Variants in TAFA1 observed in about 807,000 individuals in gnomAD.
TAFA1 encodes chemokine-like protein TAFA-1.
A neutral mutation model predicts 18.5 loss-of-function variants in TAFA1; 4 were observed. The observed-to-expected ratio is 0.22, with a 90% CI of 0.11 to 0.49. The LOEUF is 0.49. Among genes scored for constraint, TAFA1 ranks in the 20% least tolerant of loss-of-function variants. The probability of loss-of-function intolerance (pLI) is 0.98; values close to 1 mark genes in which losing one functional copy is unlikely to be tolerated. For missense variants in TAFA1, 147 were observed against 169.0 expected, an observed-to-expected ratio of 0.87 and a Z score of 0.72; for synonymous variants, 56 against 55.2, an observed-to-expected ratio of 1.01 and a Z score of -0.06.
intron 2 of TAFA1, among the ~76,000 whole-genome samples, chr3:68,013,360 A>T (rs569220250): frequency 6.6e-6 from 1 of 152,254 alleles, no homozygotes; most frequent in South Asian, 2.1e-4. Context: ...ACATACATGT[A>T]TTATGTGTGT....
At chr3:68,015,207 T>A (rs1011436659) in intron 2 of TAFA1, among the ~76,000 whole-genome samples, 9 of 152,196 alleles carry the variant, frequency 5.9e-5, no homozygotes, top group African/African-American at 2.2e-4. Flanking sequence ...ACAGCTTTGA[T>A]ATAATGAAGA....
intron 2 of TAFA1, among the ~76,000 whole-genome samples, chr3:68,401,548 TCTC>T (rs1304605998): frequency 6.6e-6 from 1 of 152,172 alleles, no homozygotes; most frequent in African/African-American, 2.4e-5. Flanking sequence ...TTGACTCCAT[TCTC>T]CTACAGGCTT....
At chr3:68,310,818 G>C (rs2068502872) in intron 2 of TAFA1, among the ~76,000 whole-genome samples, 1 of 152,074 alleles carries the variant, frequency 6.6e-6, no homozygotes, top group Admixed American at 6.6e-5. Context: ...AGTTTCAATT[G>C]TGTGGTTTTT....
chr3:68,147,086 T>C (rs1254888796), intron 2 of TAFA1, among the ~76,000 whole-genome samples: 1 of 151,258 alleles, frequency 6.6e-6, no homozygotes, highest in Non-Finnish European at 1.5e-5. Context: ...GTTGGCATCT[T>C]AAAAAGAAAC....
chr3:68,418,358 G>T (rs924449637), intron 3 of TAFA1, among the ~76,000 whole-genome samples: 3 of 151,920 alleles, frequency 2.0e-5, no homozygotes, highest in Admixed American at 6.6e-5. Context: ...GGTGCTCAGT[G>T]GGGGAGCTTT....
At chr3:68,479,103 C>T (rs1004496288) in intron 3 of TAFA1, among the ~76,000 whole-genome samples, 70 of 149,950 alleles carry the variant, frequency 4.7e-4, no homozygotes, top group African/African-American at 1.2e-3. Flanking sequence ...TGGTGACGCG[C>T]GCCTGTAGTC....
intron 2 of TAFA1, among the ~76,000 whole-genome samples, chr3:68,017,122 AT>A (rs1260994270): frequency 6.6e-6 from 1 of 152,194 alleles, no homozygotes; most frequent in Non-Finnish European, 1.5e-5. Flanking sequence ...AAATCAATAA[AT>A]CCCCTATTGT....
chr3:68,425,536 C>A (rs2071035947), intron 3 of TAFA1, among the ~76,000 whole-genome samples: 1 of 151,846 alleles, frequency 6.6e-6, no homozygotes, highest in African/African-American at 2.4e-5. Flanking sequence ...CTTGAAACAG[C>A]ATTTAGTCCC....
At chr3:68,006,428 A>C (rs1218723692) in intron 1 of TAFA1, 196 bp from the exon 2 acceptor site, 3 of 532,054 alleles carry the variant, frequency 5.6e-6, no homozygotes, top group African/African-American at 3.8e-5. Flanking sequence ...TTAAGAAAAA[A>C]ATGAATGTAT....
chr3:68,084,186 C>T (rs182021078), intron 2 of TAFA1, among the ~76,000 whole-genome samples: 1 of 152,152 alleles, frequency 6.6e-6, no homozygotes, highest in African/African-American at 2.4e-5. Flanking sequence ...TGGGAAATTT[C>T]CCTGATGGAG....
chr3:68,003,183 T>C, upstream of TAFA1, among the ~76,000 whole-genome samples: 1 of 152,252 alleles, frequency 6.6e-6, no homozygotes, highest in East Asian at 1.9e-4. Context: ...TTTTGTGCAA[T>C]GTGAAAGACC....
At chr3:68,375,086 A>C (rs1451268836) in intron 2 of TAFA1, among the ~76,000 whole-genome samples, 1 of 151,980 alleles carries the variant, frequency 6.6e-6, no homozygotes, top group African/African-American at 2.4e-5. Context: ...GTATAAGAAG[A>C]TTCTCTTTTG....
chr3:68,182,661 T>C (rs1016717258), intron 2 of TAFA1, among the ~76,000 whole-genome samples: 1 of 152,168 alleles, frequency 6.6e-6, no homozygotes, highest in Admixed American at 6.5e-5. Flanking sequence ...AAAGTACTTG[T>C]CAACATACAC....
At chr3:68,499,446 C>CTTTTTTTTTTTTTTTTTTTTTTT (rs752597708) in intron 3 of TAFA1, among the ~76,000 whole-genome samples, 1 of 112,176 alleles carries the variant, frequency 8.9e-6, no homozygotes, top group East Asian at 2.5e-4. Flanking sequence ...GTGTTCCTTT[C>CTTTTTTTTTTTTTTTTTTTTTTT]TTTTTTTTTT....
At chr3:68,460,345 C>T (rs951106752) in intron 3 of TAFA1, among the ~76,000 whole-genome samples, 7 of 152,056 alleles carry the variant, frequency 4.6e-5, no homozygotes, top group African/African-American at 9.7e-5. Flanking sequence ...ACAAGGATGG[C>T]AGGAGATTTT....
intron 3 of TAFA1, among the ~76,000 whole-genome samples, chr3:68,478,968 C>T (rs2072161156): frequency 6.7e-6 from 1 of 150,194 alleles, no homozygotes. Flanking sequence ...GGCGCAGTGG[C>T]TCATGCCTGT....
At chr3:68,106,078 A>T (rs1217922101) in intron 2 of TAFA1, among the ~76,000 whole-genome samples, 1 of 152,074 alleles carries the variant, frequency 6.6e-6, no homozygotes, top group Non-Finnish European at 1.5e-5. Context: ...CTTCTATCTA[A>T]CTTTCACACA....
intron 2 of TAFA1, among the ~76,000 whole-genome samples, chr3:68,190,741 A>G (rs780379717): frequency 1.3e-5 from 2 of 151,822 alleles, no homozygotes; most frequent in Non-Finnish European, 2.9e-5. Flanking sequence ...TAGGAAATAC[A>G]CCATGTGGGC....
At chr3:68,315,519 C>T (rs2068593124) in intron 2 of TAFA1, among the ~76,000 whole-genome samples, 1 of 152,148 alleles carries the variant, frequency 6.6e-6, no homozygotes, top group Non-Finnish European at 1.5e-5. Flanking sequence ...TCACTTTATT[C>T]CTCCTATGCC....
Sources: gnomAD v4.1 joint callset for allele counts (sites outside exome capture counted in the v4.1 genomes callset) on GRCh38, gnomAD v4.1.1 for gene constraint, MANE v1.5 for transcripts, NCBI Gene and HGNC (gene_info 2026-07-23, HGNC 2026-07-21) for gene names.